The following KIF26B variants were observed in gnomAD, a reference collection of about 807,000 sequenced individuals.
KIF26B encodes the protein kinesin family member 26B.
In KIF26B, 63 loss-of-function variants were observed where a neutral mutation model predicts 151.2. That is an observed-to-expected ratio of 0.42 (90% CI 0.34 to 0.51). KIF26B has a LOEUF of 0.51. KIF26B is among the 20% of genes least tolerant of loss of function. The pLI, the probability that KIF26B is intolerant of heterozygous loss-of-function variation, is 0.07. For synonymous variants in KIF26B, 1,357 were observed against 1,262.1 expected (o/e 1.08, Z -1.59); for missense variants, 2,813 against 2,913.6 (o/e 0.97, Z 0.79).
At chr1:245,342,114 T>C (rs1672345516) in intron 2 of KIF26B, among the ~76,000 whole-genome samples, 1 of 152,210 alleles carries the variant, frequency 6.6e-6, no homozygotes, top group African/African-American at 2.4e-5. Context: ...ACCTTGTTAG[T>C]CTTTGGCCGT....
chr1:245,569,881 G>A lies in KIF26B; in HGVS notation c.1350+28931G>A, dbSNP rs558523613. Among the ~76,000 whole-genome samples, 11 of 116,582 alleles carry A rather than the reference G, an allele frequency of 9.4e-5. 1 individual carries two copies. The East Asian group carries it at 2.9e-3, about 31-fold the overall frequency. The allele number at this position is 116,582 out of a possible 152,430, so 76.5% of individuals were successfully genotyped here. ...GCCTTCTTTTTTTTTTTTTTTTAATGATCACTTATCTTTCCCTTGAGGGAA... is the reference window on the plus strand; with the variant it reads ...GCCTTCTTTTTTTTTTTTTTTTAATAATCACTTATCTTTCCCTTGAGGGAA... On this transcript the variant is annotated intron_variant, in intron 5 of 14. Coordinates refer to ENST00000407071, the MANE Select transcript of KIF26B (RefSeq NM_018012.4).
chr1:245,169,328 G>GGTGTGTGGGTGT (rs56332945), intron 2 of KIF26B, among the ~76,000 whole-genome samples: 40,230 of 133,814 alleles, frequency 0.3, 6,633 homozygotes, highest in Non-Finnish European at 0.39. Context: ...AACGGGCCAT[G>GGTGTGTGGGTGT]GTGTGTGTGT....
chr1:245,703,778 T>A lies in KIF26B; in HGVS notation c.*1172T>A, dbSNP rs2044805496. On this transcript the variant is annotated 3_prime_UTR_variant, in exon 15 of 15. Coordinates refer to ENST00000407071, the MANE Select transcript of KIF26B (RefSeq NM_018012.4). Reference sequence around the variant, plus strand: ...TGTATTGGATTAGAAGAAGGATTCTTGAGACTGTACATCTTGTCTGTTGTC... The same window carrying A: ...TGTATTGGATTAGAAGAAGGATTCTAGAGACTGTACATCTTGTCTGTTGTC... The A allele has an allele frequency of 6.6e-6, 1 of 152,200 alleles. No homozygotes were observed. The highest frequency in any genetic ancestry group is 1.5e-5 in the Non-Finnish European group (1 of 68,032). 9.4% of individuals were successfully genotyped at this position (152,200 alleles called of 1,614,324 possible). A position where few individuals can be genotyped will look rare whatever the true frequency, so the allele number is the denominator to read the frequency against.
At chr1:245,558,688 G>A (rs1662095920) in intron 5 of KIF26B, among the ~76,000 whole-genome samples, 1 of 152,220 alleles carries the variant, frequency 6.6e-6, no homozygotes, top group East Asian at 1.9e-4. Flanking sequence ...CATCCTGCCT[G>A]CCCTCTCTGA....
intron 4 of KIF26B, among the ~76,000 whole-genome samples, chr1:245,453,433 G>A (rs969153022): frequency 6.6e-6 from 1 of 151,628 alleles, no homozygotes; most frequent in Non-Finnish European, 1.5e-5. Flanking sequence ...TATTGATTTT[G>A]GTTCCTGAGT....
intron 2 of KIF26B, among the ~76,000 whole-genome samples, chr1:245,252,020 C>A (rs1670453945): frequency 6.6e-6 from 1 of 151,956 alleles, no homozygotes; most frequent in Admixed American, 6.6e-5. Flanking sequence ...TGCCTATAAT[C>A]CCAGCACTTT....
chr1:245,199,532 G>A (rs1669261325), intron 2 of KIF26B, among the ~76,000 whole-genome samples: 1 of 150,998 alleles, frequency 6.6e-6, no homozygotes. Context: ...AGGCTGGAGT[G>A]CAGTGGTGTA....
At chr1:245,404,120 G>T (rs571835386) in intron 3 of KIF26B, among the ~76,000 whole-genome samples, 5 of 152,128 alleles carry the variant, frequency 3.3e-5, no homozygotes, top group Admixed American at 2.0e-4. Flanking sequence ...AGTGAAGGAA[G>T]AGGACAGACT....
chr1:245,364,422 C>CTTTTTTT (rs763619030), intron 2 of KIF26B, among the ~76,000 whole-genome samples: 8 of 98,912 alleles, frequency 8.1e-5, no homozygotes, highest in Non-Finnish European at 1.2e-4. Context: ...CTCTCTCTCT[C>CTTTTTTT]TTTTTTTTTT....
chr1:245,396,565 G>C (rs1489724169), intron 3 of KIF26B, among the ~76,000 whole-genome samples: 1 of 151,602 alleles, frequency 6.6e-6, no homozygotes, highest in South Asian at 2.1e-4. Flanking sequence ...GAACCCGGGA[G>C]ACAGAGGTTG....
chr1:245,293,005 T>TA (rs1671281099), intron 2 of KIF26B, among the ~76,000 whole-genome samples: 1 of 152,192 alleles, frequency 6.6e-6, no homozygotes, highest in South Asian at 2.1e-4. Context: ...TTAGGTTACT[T>TA]ACAGAATGAA....
At chr1:245,231,732 C>T (rs1670003094) in intron 2 of KIF26B, among the ~76,000 whole-genome samples, 1 of 151,948 alleles carries the variant, frequency 6.6e-6, no homozygotes. Flanking sequence ...TCTGGGCCTC[C>T]AGTCAAAAAT....
At chr1:245,379,085 A>C (rs1314009000) in intron 3 of KIF26B, among the ~76,000 whole-genome samples, 1 of 152,252 alleles carries the variant, frequency 6.6e-6, no homozygotes, top group Non-Finnish European at 1.5e-5. Context: ...TGGCAGATGA[A>C]AAGACATCAA....
Position 245,232,977 on chromosome 1 carries a change from A to G in KIF26B, c.465+76294A>G, listed in dbSNP as rs74646454. On this transcript the variant is annotated intron_variant, in intron 2 of 14. Transcript: ENST00000407071. ...CGTAGCACACGAGGCAGCCATTACT[A>G]CTCTATCTGCATTTGTTGGAAGTTG... Among the ~76,000 whole-genome samples the G allele has an allele frequency of 3.9e-3, 589 of 152,002 alleles. 17 individuals are homozygous for G. In the East Asian group the frequency reaches 0.085, roughly 22 times the overall value.
At position 245,688,158 on chromosome 1, in the gene KIF26B, C is replaced by G; in HGVS notation, c.5175C>G (p.Pro1725=). The change falls in exon 12 of 15, where the codon CCC becomes CCG. Residue 1725 remains proline (P), a synonymous_variant. Coordinates refer to ENST00000407071, the MANE Select transcript of KIF26B (RefSeq NM_018012.4). The stretch of plus-strand genomic sequence containing the variant: ...CGCCCCCCAGCTCCGGGGCCTCGCC[C>G]AAGGCCGGCCAGTCCAAGATCTCCG... ...GTSPPSSGAS[P]KAGQSKISAV... is the part of the protein sequence containing the mutation. 6.3e-7 allele frequency: 1 copy of G among 1,596,706 alleles called. No individual in the cohort carries two copies. Among genetic ancestry groups the G allele is most frequent in the East Asian group, 2.2e-5 (1 of 44,674 alleles).
rs1670204756 is a variant in KIF26B at position 245,241,097 on chromosome 1, TAC to T, written c.465+84417_465+84418del. 6.6e-6 allele frequency among the ~76,000 whole-genome samples: 1 copy of T among 152,180 alleles called. No homozygotes were observed. Among genetic ancestry groups the T allele is most frequent in the South Asian group, 2.1e-4 (1 of 4,832 alleles). ...TAAGCAGCTGTTTATTGGGTCAGAATACACCTGTCAGGAAAATCATCGGTAGT... is the reference window on the plus strand; with the variant it reads ...TAAGCAGCTGTTTATTGGGTCAGAATACCTGTCAGGAAAATCATCGGTAGT... On this transcript the variant is annotated intron_variant, in intron 2 of 14. Coordinates refer to ENST00000407071, the MANE Select transcript of KIF26B (RefSeq NM_018012.4). The surrounding 1 kb of genome is among the most constrained non-coding windows in gnomAD (Gnocchi z 5.0).
At chr1:245,460,688 C>T (rs1438500199) in intron 4 of KIF26B, among the ~76,000 whole-genome samples, 1 of 152,206 alleles carries the variant, frequency 6.6e-6, no homozygotes, top group Non-Finnish European at 1.5e-5. Flanking sequence ...ATGACAGATG[C>T]CAACCTGCCT....
Position 245,367,110 on chromosome 1 carries a change from G to A in KIF26B, c.742G>A (p.Val248Met). ...CCAGCAGCCCAGAGACTGGGCCTTT[G>A]TGCCCGCCCCCTGTGCCACCTCCAA... ...GLQQPRDWAF[V>M]PAPCATSNYT... The change falls in exon 3 of 15, where the codon GTG (valine) becomes ATG (methionine). Residue 248 changes from valine (V) to methionine (M), a missense_variant. Physicochemically the swap from Val to Met is conservative, Grantham distance 21. This residue lies in a region of KIF26B where 676 missense variants were observed against 688.1 expected (regional missense o/e 0.98). Coordinates refer to ENST00000407071, the MANE Select transcript of KIF26B (RefSeq NM_018012.4). This position sits in a 1 kb window ranked among gnomAD's most constrained non-coding sequence, Gnocchi z 4.2. 1 of 1,593,444 alleles carries A rather than the reference G, an allele frequency of 6.3e-7. No individual in the cohort carries two copies. The highest frequency in any genetic ancestry group is 1.8e-5 in the Admixed American group (1 of 57,122).
At chr1:245,268,309 A>G (rs1670785117) in intron 2 of KIF26B, among the ~76,000 whole-genome samples, 1 of 151,738 alleles carries the variant, frequency 6.6e-6, no homozygotes. Flanking sequence ...CTCTACTAAA[A>G]AATACAAAAA....
Sources: gnomAD v4.1 joint callset for allele counts (sites outside exome capture counted in the v4.1 genomes callset) on GRCh38, gnomAD v4.1.1 for gene constraint, gnomAD v4.1.1 regional missense constraint, Gnocchi (gnomAD v3.1) non-coding constraint, MANE v1.5 for transcripts, NCBI Gene and HGNC (gene_info 2026-07-23, HGNC 2026-07-21) for gene names.